The following PCDHGB1 variants were observed in gnomAD, a reference collection of about 807,000 sequenced individuals.
The protein encoded by PCDHGB1 is protocadherin gamma subfamily B, 1, also known as protocadherin gamma-B1.
Under a neutral mutation model 56.6 loss-of-function variants are expected in PCDHGB1, and 34 were observed. The ratio of observed to expected loss-of-function variants is 0.60; its 90% CI spans 0.46 to 0.80. The LOEUF (loss-of-function observed/expected upper bound fraction) is 0.80. Among genes scored for constraint, PCDHGB1 ranks in the 30% least tolerant of loss-of-function variants. The pLI is 0.00. For missense variants in PCDHGB1, 1,278 were observed against 1,204.6 expected, an observed-to-expected ratio of 1.06 and a Z score of -0.90; for synonymous variants, 561 against 505.9, an observed-to-expected ratio of 1.11 and a Z score of -1.46.
At chr5:141,375,072 G>A in intron 1 of PCDHGB1, 8 of 1,614,044 alleles carry the variant, frequency 5.0e-6, no homozygotes, top group Non-Finnish European at 6.8e-6. Flanking sequence ...CTTCGAGACA[G>A]AGCGAAAGTC....
chr5:141,432,133 C>T lies in PCDHGB1; in HGVS notation c.2410-62674C>T, dbSNP rs1468632362. The stretch of plus-strand genomic sequence containing the variant: ...CGGTCTTCCCTCAGGCCTCCTATTC[C>T]GCTTATATCCCAGAGAACAATCCCA... On this transcript the variant is annotated intron_variant, in intron 1 of 3. Transcript: ENST00000523390. This position sits in a 1 kb window ranked among gnomAD's most constrained non-coding sequence, Gnocchi z 6.0. 9 of 1,614,142 alleles carry T rather than the reference C, an allele frequency of 5.6e-6. No homozygotes were observed. The highest frequency in any genetic ancestry group is 1.6e-4 in the Middle Eastern group (1 of 6,062).
At chr5:141,488,599 C>T (rs1017044328) in intron 1 of PCDHGB1, among the ~76,000 whole-genome samples, 1 of 152,152 alleles carries the variant, frequency 6.6e-6, no homozygotes, top group Non-Finnish European at 1.5e-5. Flanking sequence ...CAAGACTTTA[C>T]AAGGTTCTTA....
chr5:141,385,107 C>T, intron 1 of PCDHGB1: 1 of 1,614,178 alleles, frequency 6.2e-7, no homozygotes, highest in Non-Finnish European at 8.5e-7. Context: ...CGAACGTGCC[C>T]ACCTCGCACT....
At chr5:141,393,194 C>A in intron 1 of PCDHGB1, 2 of 1,613,362 alleles carry the variant, frequency 1.2e-6, no homozygotes, top group Non-Finnish European at 1.7e-6. Context: ...TTGATATTAA[C>A]GATAATAACC....
In PCDHGB1 at chr5:141,511,197, C is replaced by A; in HGVS notation, c.*24C>A. 1 of 1,613,140 alleles carries A rather than the reference C, an allele frequency of 6.2e-7. No individual in the cohort carries two copies. Among genetic ancestry groups the A allele is most frequent in the Non-Finnish European group, 8.5e-7 (1 of 1,179,524 alleles). Reference sequence around the variant, plus strand: ...AACATGGAGGCCAGGCCAAGAGCCACAGGGCGGCCTCTCCCCAACCAGCCC... The same window carrying A: ...AACATGGAGGCCAGGCCAAGAGCCAAAGGGCGGCCTCTCCCCAACCAGCCC... On this transcript the variant is annotated 3_prime_UTR_variant, in exon 4 of 4. Transcript: ENST00000523390.
At chr5:141,380,758 T>C (rs1382076690) in intron 1 of PCDHGB1, among the ~76,000 whole-genome samples, 1 of 152,222 alleles carries the variant, frequency 6.6e-6, no homozygotes, top group Non-Finnish European at 1.5e-5. Flanking sequence ...CAAGACACTA[T>C]AAATTAATTG....
At chr5:141,375,495 T>C (rs1771526173) in intron 1 of PCDHGB1, 13 of 1,613,800 alleles carry the variant, frequency 8.1e-6, no homozygotes, top group Non-Finnish European at 1.1e-5. Flanking sequence ...GGTGCCTCCA[T>C]CTTCTCTGTG....
rs576937130 is a variant in PCDHGB1 at position 141,427,508 on chromosome 5, G to A, written c.2410-67299G>A. ...ATAAGCTTGTAACAGATGGGACCCT[G>A]GATTGGGAGCGGATCCCGGAGTACA... On this transcript the variant is annotated intron_variant, in intron 1 of 3. Transcript: ENST00000523390. 9.9e-4 allele frequency: 584 copies of A among 587,058 alleles called. 6 individuals carry two copies. The highest frequency in any genetic ancestry group is 3.0e-4 in the Non-Finnish European group (94 of 311,294). The allele number at this position is 587,058 out of a possible 1,614,324, so 36.4% of individuals were successfully genotyped here.
At chr5:141,502,864 G>GTTTTTTTT in intron 2 of PCDHGB1, among the ~76,000 whole-genome samples, 3 of 61,566 alleles carry the variant, frequency 4.9e-5, no homozygotes, top group African/African-American at 2.4e-4. Context: ...CTGACTCTCT[G>GTTTTTTTT]TCTTTTTTTT....
At position 141,431,783 on chromosome 5, in the gene PCDHGB1, G is replaced by T; in HGVS notation, c.2410-63024G>T. 2 of 1,614,174 alleles carry T rather than the reference G, an allele frequency of 1.2e-6. No homozygotes were observed. Among genetic ancestry groups the T allele is most frequent in the East Asian group, 2.2e-5 (1 of 44,878 alleles). On this transcript the variant is annotated intron_variant, in intron 1 of 3. Transcript: ENST00000523390. The surrounding 1 kb of genome is among the most constrained non-coding windows in gnomAD (Gnocchi z 4.8). Reference sequence around the variant, plus strand: ...CCTGATCACTGTTCTGGACGTGAACGACAATGCCCCAGAAGTGGTCCTCAC... The same window carrying T: ...CCTGATCACTGTTCTGGACGTGAACTACAATGCCCCAGAAGTGGTCCTCAC...
chr5:141,356,031 G>T (rs759003895), intron 1 of PCDHGB1: 1 of 1,613,836 alleles, frequency 6.2e-7, no homozygotes, highest in Admixed American at 1.7e-5. Flanking sequence ...ATGGAGACGT[G>T]ACGTATTCTT....
chr5:141,419,391 G>A, intron 1 of PCDHGB1: 1 of 1,613,630 alleles, frequency 6.2e-7, no homozygotes. Flanking sequence ...AGCGCGCAGA[G>A]CGGGGTGGTG....
intron 1 of PCDHGB1, chr5:141,374,344 G>A (rs1770398551): frequency 6.2e-7 from 1 of 1,614,034 alleles, no homozygotes; most frequent in Non-Finnish European, 8.5e-7. Context: ...TGGTCACCGC[G>A]GGTAGGATAG....
intron 1 of PCDHGB1, among the ~76,000 whole-genome samples, chr5:141,369,320 G>T (rs775938147): frequency 6.6e-6 from 1 of 152,104 alleles, no homozygotes. Flanking sequence ...TACTTGAGAA[G>T]AAACAGTACA....
rs749759763 is a variant in PCDHGB1 at position 141,384,376 on chromosome 5, G to A, written c.2409+31707G>A. On this transcript the variant is annotated intron_variant, in intron 1 of 3. Coordinates refer to ENST00000523390, the MANE Select transcript of PCDHGB1 (RefSeq NM_018922.3). ...TGCCCAGATCACTTATTCCTTGGCCGAAGACACCATCCAGGGGGCTCCAGT... is the reference window on the plus strand; with the variant it reads ...TGCCCAGATCACTTATTCCTTGGCCAAAGACACCATCCAGGGGGCTCCAGT... 10 of 1,613,786 alleles carry A rather than the reference G, an allele frequency of 6.2e-6. No individual in the cohort carries two copies. In the African/African-American group the frequency reaches 8.0e-5, roughly 13 times the overall value.
At chr5:141,461,312 C>T (rs1318872213) in intron 1 of PCDHGB1, among the ~76,000 whole-genome samples, 1 of 152,064 alleles carries the variant, frequency 6.6e-6, no homozygotes, top group African/African-American at 2.4e-5. Flanking sequence ...TGTTTTTTGA[C>T]TTTTTAATAA....
intron 1 of PCDHGB1, among the ~76,000 whole-genome samples, chr5:141,470,055 G>A (rs1432696943): frequency 1.3e-5 from 2 of 152,192 alleles, no homozygotes; most frequent in Non-Finnish European, 1.5e-5. Context: ...TTTGAACCCC[G>A]GAGGCAGAGA....
intron 1 of PCDHGB1, chr5:141,356,491 C>A: frequency 6.2e-7 from 1 of 1,613,958 alleles, no homozygotes; most frequent in South Asian, 1.1e-5. Flanking sequence ...GGGAACTCCT[C>A]CACTGTCTAC....
rs752660538 is a variant in PCDHGB1 at position 141,486,495 on chromosome 5, T to C, written c.2410-8312T>C. 1 of 1,614,074 alleles carries C rather than the reference T, an allele frequency of 6.2e-7. No individual in the cohort carries two copies. The highest frequency in any genetic ancestry group is 8.5e-7 in the Non-Finnish European group (1 of 1,179,922). On this transcript the variant is annotated intron_variant, in intron 1 of 3. Transcript: ENST00000523390. The surrounding 1 kb of genome is among the most constrained non-coding windows in gnomAD (Gnocchi z 5.0). ...CCTCCTCTCAGTACCCACAGAACTA[T>C]TTTCCTCAATATTTCAGATGTGAAT...
Sources: allele counts gnomAD v4.1 joint callset (sites outside exome capture counted in the v4.1 genomes callset), GRCh38; gene constraint gnomAD v4.1.1; non-coding constraint Gnocchi (gnomAD v3.1); transcripts MANE v1.5; gene names NCBI Gene and HGNC (gene_info 2026-07-23, HGNC 2026-07-21).